Variants in LCA5 observed in about 807,000 individuals in gnomAD.
LCA5 encodes lebercilin LCA5, also known as lebercilin.
Under a neutral mutation model 53.0 loss-of-function variants are expected in LCA5, and 37 were observed. The observed-to-expected ratio is 0.70, with a 90% confidence interval of 0.54 to 0.92. The LOEUF is 0.92. LCA5 is among the 40% of genes least tolerant of loss of function. The pLI is 0.00. For synonymous variants in LCA5, 303 were observed against 282.9 expected, an observed-to-expected ratio of 1.07 and a Z score of -0.71; for missense variants, 806 against 790.5, an observed-to-expected ratio of 1.02 and a Z score of -0.23.
At chr6:79,523,791 GC>G (rs908893148) in intron 1 of LCA5, among the ~76,000 whole-genome samples, 16 of 151,980 alleles carry the variant, frequency 1.1e-4, no homozygotes, top group Non-Finnish European at 2.1e-4. Flanking sequence ...TTCTCTCCCT[GC>G]CCCCCCTCAA....
At chr6:79,519,182 G>T in intron 1 of LCA5, 97 bp from the exon 2 acceptor site, 1 of 416,154 alleles carries the variant, frequency 2.4e-6, no homozygotes, top group South Asian at 2.6e-5. Context: ...ATAATATATA[G>T]CTTACAATTT....
rs1469777558 is a variant in LCA5 at position 79,518,966 on chromosome 6, GA to G, written c.-73del. 7.4e-7 allele frequency: 1 copy of G among 1,354,472 alleles called. No individual in the cohort carries two copies. The allele number at this position is 1,354,472 out of a possible 1,614,324, so 83.9% of individuals were successfully genotyped here. Reference sequence around the variant, plus strand: ...CTCCAGAGGAGACTATGACAATACTGAAAAACATTTTCACAGTCTTCAGATC... The same window carrying G: ...CTCCAGAGGAGACTATGACAATACTGAAAACATTTTCACAGTCTTCAGATC... On this transcript the variant is annotated 5_prime_UTR_variant, in exon 2 of 8. An upstream open reading frame in the 5' UTR gains an earlier in-frame stop. Coordinates refer to ENST00000369846, the MANE Select transcript of LCA5 (RefSeq NM_001122769.3).
At chr6:79,512,826 A>C (rs1766273518) in intron 3 of LCA5, among the ~76,000 whole-genome samples, 1 of 152,180 alleles carries the variant, frequency 6.6e-6, no homozygotes, top group South Asian at 2.1e-4. Context: ...ATGTACTGTA[A>C]TTAATCTTCA....
intron 3 of LCA5, among the ~76,000 whole-genome samples, chr6:79,495,555 T>C (rs1769957839): frequency 6.6e-6 from 1 of 151,866 alleles, no homozygotes; most frequent in Non-Finnish European, 1.5e-5. Context: ...ATTAAGACCA[T>C]CCTGGCTAAC....
chr6:79,494,898 G>C (rs954281245), intron 3 of LCA5, among the ~76,000 whole-genome samples: 18 of 152,192 alleles, frequency 1.2e-4, no homozygotes, highest in African/African-American at 4.1e-4. Context: ...AAGAACTCCT[G>C]ACCTTTGAAA....
intron 2 of LCA5, among the ~76,000 whole-genome samples, chr6:79,514,099 C>A (rs907809016): frequency 6.6e-6 from 1 of 152,134 alleles, no homozygotes; most frequent in Non-Finnish European, 1.5e-5. Flanking sequence ...TGGTGCATAA[C>A]AAACACTGGA....
chr6:79,523,798 C>G (rs553365107), intron 1 of LCA5, among the ~76,000 whole-genome samples: 27 of 152,286 alleles, frequency 1.8e-4, no homozygotes, highest in Admixed American at 4.6e-4. Context: ...CCTGCCCCCC[C>G]TCAAATACTT....
At chr6:79,499,669 CT>C (rs889187652) in intron 3 of LCA5, among the ~76,000 whole-genome samples, 55 of 147,516 alleles carry the variant, frequency 3.7e-4, no homozygotes, top group African/African-American at 1.1e-3. Context: ...TTTTGCCCCA[CT>C]TTTTTTTTTC....
Position 79,493,615 on chromosome 6 carries a change from T to C in LCA5, c.856A>G (p.Lys286Glu), listed in dbSNP as rs1168709581. 1 of 1,612,578 alleles carries C rather than the reference T, an allele frequency of 6.2e-7. No individual in the cohort carries two copies. The highest frequency in any genetic ancestry group is 8.5e-7 in the Non-Finnish European group (1 of 1,178,740). ...ACAATGCAATTTAAAATACTTACCT[T>C]TAATTTGTGATATAGTCGCTGTACC... The part of the protein sequence containing the change: ...KEVQRLYHKL[K>E]EKERELDIKN... Residue 286 changes from lysine (K) to glutamate (E), a missense_variant and splice_region_variant, in exon 4 of 8, where the codon AAG (lysine) becomes GAG (glutamate). Coordinates refer to ENST00000369846, the MANE Select transcript of LCA5 (RefSeq NM_001122769.3).
rs756379569 is a variant in LCA5 at position 79,493,742 on chromosome 6, C to T, written c.729G>A (p.Ser243=). The T allele has an allele frequency of 5.6e-6, 9 of 1,612,202 alleles. No homozygotes were observed. The highest frequency in any genetic ancestry group is 2.2e-5 in the East Asian group (1 of 44,798). Residue 243 remains serine (S), a synonymous_variant, in exon 4 of 8, where the codon TCG becomes TCA. Coordinates refer to ENST00000369846, the MANE Select transcript of LCA5 (RefSeq NM_001122769.3). The stretch of plus-strand genomic sequence containing the variant: ...TGTTAGTACTCAGTTCAAGGTTTTT[C>T]GATAGCTCCTATATGTATAAATACA... ...DDTERRIKEL[S]KNLELSTNSF... is the part of the protein sequence containing the mutation.
chr6:79,498,120 T>C (rs1045581125), intron 3 of LCA5, among the ~76,000 whole-genome samples: 2 of 151,646 alleles, frequency 1.3e-5, no homozygotes, highest in Non-Finnish European at 2.9e-5. Flanking sequence ...AAATACACAC[T>C]GATGCATTTA....
intron 1 of LCA5, among the ~76,000 whole-genome samples, chr6:79,529,682 T>C (rs1488800138): frequency 2.6e-5 from 4 of 152,024 alleles, no homozygotes; most frequent in African/African-American, 9.7e-5. Flanking sequence ...CTACTCACAA[T>C]AGCAAAGACT....
chr6:79,505,316 A>G (rs1770246216), intron 3 of LCA5, among the ~76,000 whole-genome samples: 1 of 152,206 alleles, frequency 6.6e-6, no homozygotes, highest in South Asian at 2.1e-4. Flanking sequence ...CATAAATAAT[A>G]AAATCTTTGA....
intron 1 of LCA5, among the ~76,000 whole-genome samples, chr6:79,526,475 C>T (rs897424744): frequency 2.0e-5 from 3 of 152,156 alleles, no homozygotes; most frequent in South Asian, 4.2e-4. Flanking sequence ...ACCCAGGAGG[C>T]AGAGGTTGCA....
chr6:79,535,004 T>C lies in LCA5; in HGVS notation c.-192+2161A>G, dbSNP rs150306012. 5.8e-3 allele frequency among the ~76,000 whole-genome samples: 882 copies of C among 152,304 alleles called. 4 individuals carry two copies. Among genetic ancestry groups the C allele is most frequent in the Non-Finnish European group, 8.9e-3 (605 of 67,994 alleles). ...TTAGTACATAAAACAGACCATAAAA[T>C]AGCTCTTCTATAATCTTTCTTACAT... On this transcript the variant is annotated intron_variant, in intron 1 of 7. Coordinates refer to ENST00000369846, the MANE Select transcript of LCA5 (RefSeq NM_001122769.3).
chr6:79,495,209 C>T (rs1388762466), intron 3 of LCA5, among the ~76,000 whole-genome samples: 1 of 152,134 alleles, frequency 6.6e-6, no homozygotes, highest in Non-Finnish European at 1.5e-5. Context: ...GAATCTAATG[C>T]CTGATCATCT....
At chr6:79,510,473 G>A (rs1277959102) in intron 3 of LCA5, among the ~76,000 whole-genome samples, 1 of 152,170 alleles carries the variant, frequency 6.6e-6, no homozygotes, top group East Asian at 1.9e-4. Context: ...CGATAAAGCT[G>A]GGAGATGAAA....
intron 3 of LCA5, among the ~76,000 whole-genome samples, chr6:79,508,356 T>C (rs1362147480): frequency 2.6e-5 from 4 of 152,200 alleles, no homozygotes; most frequent in Non-Finnish European, 4.4e-5. Flanking sequence ...ATTCTGTGCA[T>C]TCTGTCACTT....
chr6:79,497,233 A>T (rs1770004500), intron 3 of LCA5, among the ~76,000 whole-genome samples: 2 of 152,206 alleles, frequency 1.3e-5, no homozygotes, highest in South Asian at 4.1e-4. Context: ...GAGGAACAAG[A>T]TATTTACATA....
Sources: allele counts gnomAD v4.1 joint callset (sites outside exome capture counted in the v4.1 genomes callset), GRCh38; gene constraint gnomAD v4.1.1; transcripts MANE v1.5; gene names NCBI Gene and HGNC (gene_info 2026-07-23, HGNC 2026-07-21).